The following PAX9 variants were observed in gnomAD, a reference collection of about 807,000 sequenced individuals.
PAX9 encodes the protein paired box 9, also known as paired box protein Pax-9.
In PAX9, 6 loss-of-function variants were observed where a neutral mutation model predicts 29.1. The ratio of observed to expected loss-of-function variants is 0.21; its 90% confidence interval spans 0.11 to 0.41. The LOEUF is 0.41. PAX9 is among the 10% of genes least tolerant of loss of function. The pLI is 1.00. For synonymous variants in PAX9, 217 were observed against 211.7 expected (o/e 1.03, Z -0.22); for missense variants, 443 against 479.1 (o/e 0.92, Z 0.70).
chr14:36,667,046 C>T (rs1039812970), intron 3 of PAX9, among the ~76,000 whole-genome samples: 7 of 152,182 alleles, frequency 4.6e-5, no homozygotes, highest in Non-Finnish European at 7.3e-5. Flanking sequence ...ACGCGCGCCC[C>T]GGGTCTCGGC....
chr14:36,662,874 C>T (rs750537519), intron 1 of PAX9, 23 bp from the exon 2 acceptor site: 4 of 1,601,908 alleles, frequency 2.5e-6, no homozygotes, highest in Non-Finnish European at 3.4e-6. Flanking sequence ...CGCGTCCCTG[C>T]GCGCTGTGTG....
rs1388026242 is a variant in PAX9, at chr14:36,678,983, C to CTCTA, written c.*2535_*2538dup. 4.1e-6 allele frequency: 4 copies of CTCTA among 979,960 alleles called. No homozygotes were observed. Among genetic ancestry groups the CTCTA allele is most frequent in the South Asian group, 4.8e-5 (1 of 21,044 alleles). 60.7% of individuals were successfully genotyped at this position (979,960 alleles called of 1,614,324 possible). A position where few individuals can be genotyped will look rare whatever the true frequency, so the allele number is the denominator to read the frequency against. ...TTATTGGTTAATGTTGACATATTTC[C>CTCTA]TCTATCTCATAGATGGTAAAAGTGT... On this transcript the variant is annotated 3_prime_UTR_variant, in exon 4 of 4. Transcript: ENST00000361487.
chr14:36,662,534 G>A, intron 1 of PAX9: 2 of 416,184 alleles, frequency 4.8e-6, no homozygotes. Flanking sequence ...TGGGTGGAGA[G>A]AGGGAGCGGC....
At chr14:36,660,208 T>C (rs1414077108), upstream of PAX9, among the ~76,000 whole-genome samples, 1 of 152,210 alleles carries the variant, frequency 6.6e-6, no homozygotes, top group African/African-American at 2.4e-5. Flanking sequence ...AATCTTTAGA[T>C]TTCCGAAGGC....
At chr14:36,670,755 G>A (rs748896091) in intron 3 of PAX9, among the ~76,000 whole-genome samples, 1 of 151,952 alleles carries the variant, frequency 6.6e-6, no homozygotes, top group African/African-American at 2.4e-5. Flanking sequence ...AAATAGCAGG[G>A]AAAGGTAATT....
rs780940855 is a variant in PAX9, at chr14:36,663,274, C to A, written c.382C>A (p.Arg128Ser). The A allele has an allele frequency of 6.2e-7, 1 of 1,614,188 alleles. No individual in the cohort carries two copies. ...PSVSSISRILRNKIGNLAQQG... is the reference protein window; with the variant it reads ...PSVSSISRILSNKIGNLAQQG... ...CGTGAGCTCCATCAGCCGCATTCTG[C>A]GCAACAAGATCGGCAACTTGGCCCA... is the stretch of plus-strand genomic sequence containing the variant. Residue 128 changes from arginine to serine, a missense_variant, in exon 2 of 4, where the codon CGC becomes AGC. By Grantham distance (110) the Arg-to-Ser change is moderately radical. Transcript: ENST00000361487.
rs1436963184 is a variant in PAX9, at chr14:36,663,341, C to G, written c.449C>G (p.Pro150Arg). ...TCATACAAGCAGCACCAGCCGACGC[C>G]GCAGCCAGCGCTGCCCTACAACCAC... ...YDSYKQHQPTPQPALPYNHIY... is the reference protein window; with the variant it reads ...YDSYKQHQPTRQPALPYNHIY... Residue 150 changes from proline (P) to arginine (R), a missense_variant, in exon 2 of 4, where the codon CCG becomes CGG. Pro to Arg is a moderately radical substitution (Grantham distance 103). Around this residue, in one of 2 missense-constraint regions of PAX9, gnomAD observed 336 missense variants for 317.2 expected, o/e 1.06. Transcript: ENST00000361487. 1 of 1,614,016 alleles carries G rather than the reference C, an allele frequency of 6.2e-7. No homozygotes were observed. The highest frequency in any genetic ancestry group is 2.2e-5 in the East Asian group (1 of 44,882).
intron 1 of PAX9, 43 bp downstream of exon 1, chr14:36,662,136 G>A: frequency 1.3e-6 from 2 of 1,485,968 alleles, no homozygotes; most frequent in Admixed American, 2.2e-5. Flanking sequence ...GGAAGGGAGG[G>A]AGGGAGCGAG....
chr14:36,670,208 T>C (rs1248189644), intron 3 of PAX9, among the ~76,000 whole-genome samples: 1 of 152,034 alleles, frequency 6.6e-6, no homozygotes, highest in Non-Finnish European at 1.5e-5. Context: ...TCTAAAGTAA[T>C]TGGAGTGACA....
At chr14:36,673,033 T>A (rs1881754766) in intron 3 of PAX9, among the ~76,000 whole-genome samples, 1 of 151,452 alleles carries the variant, frequency 6.6e-6, no homozygotes, top group African/African-American at 2.4e-5. Context: ...ACCCGGCTAA[T>A]TTTTGCGTTT....
intron 2 of PAX9, among the ~76,000 whole-genome samples, chr14:36,665,117 C>T (rs1881438484): frequency 8.3e-6 from 1 of 119,914 alleles, no homozygotes; most frequent in African/African-American, 3.3e-5. Context: ...TTTCCTGGTG[C>T]AAATGGGACT....
intron 3 of PAX9, chr14:36,672,230 C>T (rs1881711417): frequency 6.6e-6 from 1 of 152,196 alleles, no homozygotes; most frequent in Non-Finnish European, 1.5e-5. Flanking sequence ...ATCATATTTA[C>T]AATCCAATTA....
At chr14:36,671,597 G>A (rs1881695165) in intron 3 of PAX9, among the ~76,000 whole-genome samples, 2 of 152,006 alleles carry the variant, frequency 1.3e-5, no homozygotes, top group South Asian at 4.1e-4. Flanking sequence ...GTTGTGGAAT[G>A]CTTATGATGT....
rs781604275 is a variant in PAX9 at position 36,662,887 on chromosome 14, C to T, written c.5-10C>T. 4.3e-6 allele frequency: 7 copies of T among 1,609,396 alleles called. No individual in the cohort carries two copies. In the South Asian group the frequency reaches 7.7e-5, roughly 18 times the overall value. ...TGCGCGTCCCTGCGCGCTGTGTGTT[C>T]ATTTTGCAGAGCCAGCCTTCGGGGA... On this transcript the variant is annotated splice_polypyrimidine_tract_variant and intron_variant, in intron 1 of 3. Transcript: ENST00000361487.
intron 2 of PAX9, chr14:36,666,149 C>T: frequency 5.6e-6 from 2 of 358,486 alleles, no homozygotes; most frequent in Non-Finnish European, 1.0e-5. Context: ...TAGGTTTCTT[C>T]CACTCCTTTG....
chr14:36,676,958 A>G lies in PAX9; in HGVS notation c.*506A>G, dbSNP rs191674536. The G allele has an allele frequency of 3.3e-3, 580 of 174,248 alleles. 6 individuals carry two copies. Among genetic ancestry groups the G allele is most frequent in the Non-Finnish European group, 4.9e-3 (395 of 79,972 alleles). 10.8% of individuals were successfully genotyped at this position (174,248 alleles called of 1,614,324 possible). On this transcript the variant is annotated 3_prime_UTR_variant, in exon 4 of 4. Transcript: ENST00000361487. ...TAATTCATCATTAGGAAACAAATCA[A>G]TAAGTGACTTGTTTGAGTGATCCTT...
intron 2 of PAX9, chr14:36,666,189 T>A (rs961579439): frequency 4.2e-5 from 21 of 495,986 alleles, no homozygotes; most frequent in Non-Finnish European, 6.5e-5. Flanking sequence ...CGAAGGGAAA[T>A]CAAAAACCGG....
At chr14:36,662,572 G>T in intron 1 of PAX9, 1 of 473,160 alleles carries the variant, frequency 2.1e-6, no homozygotes, top group African/African-American at 1.9e-5. Context: ...GAGCAGGCGA[G>T]AAGGAGCACG....
chr14:36,666,555 A>C lies in PAX9; in HGVS notation c.725A>C (p.Asn242Thr), dbSNP rs1881500123. 1 of 1,581,798 alleles carries C rather than the reference A, an allele frequency of 6.3e-7. No individual in the cohort carries two copies. The highest frequency in any genetic ancestry group is 8.6e-7 in the Non-Finnish European group (1 of 1,163,900). ...CCCGCCGCCGCCCCGCACGCGGTGAACGGGTTGGAGAAGGGAGCCCTGGAG... is the reference window on the plus strand; with the variant it reads ...CCCGCCGCCGCCCCGCACGCGGTGACCGGGTTGGAGAAGGGAGCCCTGGAG... ...NFPAAAPHAV[N>T]GLEKGALEQE... The change falls in exon 3 of 4, where the codon AAC becomes ACC. Residue 242 changes from asparagine (N) to threonine (T), a missense_variant. This residue lies in a region of PAX9 where 336 missense variants were observed against 317.2 expected (regional missense o/e 1.06). Transcript: ENST00000361487.
Sources: gnomAD v4.1 joint callset for allele counts (sites outside exome capture counted in the v4.1 genomes callset) on GRCh38, gnomAD v4.1.1 for gene constraint, gnomAD v4.1.1 regional missense constraint, MANE v1.5 for transcripts, NCBI Gene and HGNC (gene_info 2026-07-23, HGNC 2026-07-21) for gene names.